The following NT5M variants were observed in gnomAD, a reference collection of about 807,000 sequenced individuals.
The protein encoded by NT5M is 5'(3')-deoxyribonucleotidase, mitochondrial.
NT5M carries 22 observed loss-of-function variants against 22.2 expected under a neutral mutation model. The observed-to-expected ratio is 0.99, with a 90% CI of 0.71 to 1.41. The LOEUF is 1.41. Among genes scored for constraint, NT5M ranks in the 40% most tolerant of loss-of-function variants. The pLI, the probability that NT5M is intolerant of heterozygous loss-of-function variation, is 0.00. For missense variants in NT5M, 322 were observed against 314.8 expected (o/e 1.02, Z -0.17); for synonymous variants, 167 against 133.0 (o/e 1.26, Z -1.76).
At position 17,308,591 on chromosome 17, in the gene NT5M, C is replaced by CA. The variant is rs145854399; in HGVS notation, c.368+1959dup. Among the ~76,000 whole-genome samples the CA allele has an allele frequency of 4.9e-3, 696 of 142,806 alleles. 3 individuals are homozygous for CA. The highest frequency in any genetic ancestry group is 7.2e-3 in the Non-Finnish European group (469 of 65,024). The allele number at this position is 142,806 out of a possible 152,430, so 93.7% of individuals were successfully genotyped here. On this transcript the variant is annotated intron_variant, in intron 2 of 4. Transcript: ENST00000389022. ...TGGGCAACAGAGTGAAACTCTGTCT[C>CA]AAAAAAAAAAAGAGACATACCGTGC...
intron 3 of NT5M, among the ~76,000 whole-genome samples, chr17:17,328,014 T>G (rs926615152): frequency 6.6e-6 from 1 of 152,190 alleles, no homozygotes; most frequent in South Asian, 2.1e-4. Flanking sequence ...GGTCATGTTC[T>G]TAGGGTGAAT....
intron 3 of NT5M, among the ~76,000 whole-genome samples, chr17:17,327,075 C>CCAG (rs1567892140): frequency 2.8e-5 from 3 of 107,290 alleles, no homozygotes; most frequent in Admixed American, 1.9e-4. Flanking sequence ...CCACACCCGG[C>CCAG]TAATTTTTTT....
At chr17:17,335,208 T>C (rs562388907) in intron 3 of NT5M, among the ~76,000 whole-genome samples, 2 of 152,194 alleles carry the variant, frequency 1.3e-5, no homozygotes, top group Non-Finnish European at 2.9e-5. Context: ...ATTTCGTTTT[T>C]AATGCTATTA....
intron 2 of NT5M, among the ~76,000 whole-genome samples, chr17:17,307,359 C>G (rs887717242): frequency 9.9e-5 from 15 of 152,144 alleles, no homozygotes; most frequent in African/African-American, 3.6e-4. Context: ...CACGGTGGCT[C>G]ACGCCTGTAA....
intron 2 of NT5M, among the ~76,000 whole-genome samples, chr17:17,317,659 G>C (rs1246781310): frequency 6.6e-6 from 1 of 152,070 alleles, no homozygotes; most frequent in Non-Finnish European, 1.5e-5. Flanking sequence ...AAAACACCTT[G>C]AAAAACATTT....
At chr17:17,345,559 G>A (rs1279554830) in intron 4 of NT5M, among the ~76,000 whole-genome samples, 1 of 151,650 alleles carries the variant, frequency 6.6e-6, no homozygotes, top group Non-Finnish European at 1.5e-5. Context: ...TACTTCAGGG[G>A]CTGAAGTGGA....
chr17:17,328,589 G>GA (rs2049310539), intron 3 of NT5M, among the ~76,000 whole-genome samples: 1 of 152,154 alleles, frequency 6.6e-6, no homozygotes, highest in South Asian at 2.1e-4. Flanking sequence ...ACAGGACAGA[G>GA]GTCTCCCACG....
chr17:17,334,574 C>G (rs557778195), intron 3 of NT5M, among the ~76,000 whole-genome samples: 1 of 145,596 alleles, frequency 6.9e-6, no homozygotes, highest in Admixed American at 7.2e-5. Context: ...CTACTGGGTT[C>G]AAGTGATTCT....
chr17:17,336,363 C>T (rs2049511856), intron 3 of NT5M, among the ~76,000 whole-genome samples: 1 of 152,060 alleles, frequency 6.6e-6, no homozygotes, highest in African/African-American at 2.4e-5. Context: ...TACTCCTCCA[C>T]TCCCCCTTCC....
Position 17,347,500 on chromosome 17 carries a change from C to T in NT5M, c.*553C>T, listed in dbSNP as rs1298385255. ...AACACTCACTAGGTGACAGCGGCCA[C>T]CAGGCTCTGTGCTGGGGGACGATAC... On this transcript the variant is annotated 3_prime_UTR_variant, in exon 5 of 5. Transcript: ENST00000389022. 6.4e-6 allele frequency: 1 copy of T among 156,458 alleles called. No individual in the cohort carries two copies. Among genetic ancestry groups the T allele is most frequent in the East Asian group, 1.9e-4 (1 of 5,210 alleles). 9.7% of individuals were successfully genotyped at this position (156,458 alleles called of 1,614,324 possible).
intron 3 of NT5M, among the ~76,000 whole-genome samples, chr17:17,341,493 G>A (rs1369196605): frequency 6.6e-6 from 1 of 152,186 alleles, no homozygotes; most frequent in Admixed American, 6.5e-5. Flanking sequence ...TGTGTGCCAG[G>A]TGCAGTACTG....
chr17:17,330,478 T>C (rs1415728719), intron 3 of NT5M, among the ~76,000 whole-genome samples: 1 of 150,410 alleles, frequency 6.6e-6, no homozygotes, highest in Non-Finnish European at 1.5e-5. Flanking sequence ...TGGGTTTAAG[T>C]GATTCCCCTG....
At chr17:17,326,473 A>C (rs1294349510) in intron 3 of NT5M, among the ~76,000 whole-genome samples, 1 of 152,228 alleles carries the variant, frequency 6.6e-6, no homozygotes, top group Non-Finnish European at 1.5e-5. Context: ...ACTTGAACAA[A>C]GGCAGGACTG....
intron 2 of NT5M, among the ~76,000 whole-genome samples, chr17:17,307,155 G>T (rs1266794952): frequency 2.0e-5 from 3 of 152,040 alleles, no homozygotes; most frequent in Admixed American, 1.3e-4. Context: ...CCGAGATCGC[G>T]CCATTGCACT....
chr17:17,318,515 G>A (rs2145358137), intron 2 of NT5M, among the ~76,000 whole-genome samples: 1 of 144,506 alleles, frequency 6.9e-6, no homozygotes, highest in East Asian at 2.1e-4. Context: ...TCTGGGCGCA[G>A]TGGCTCAAGT....
chr17:17,303,996 A>G, intron 1 of NT5M, 179 bp downstream of exon 1: 1 of 1,242,734 alleles, frequency 8.0e-7, no homozygotes, highest in Non-Finnish European at 1.0e-6. Flanking sequence ...CCCCGCGCTC[A>G]GGATCTGTTG....
chr17:17,324,221 C>T lies in NT5M; in HGVS notation c.429+976C>T, dbSNP rs541238968. Among the ~76,000 whole-genome samples, 9 of 151,150 alleles carry T rather than the reference C, an allele frequency of 6.0e-5. No individual in the cohort carries two copies. In the South Asian group the frequency reaches 8.4e-4, roughly 14 times the overall value. ...ATTCATGGTCAGGCGCGGTGGCTCA[C>T]GCCTGTAATCCCAGAACTCTGGGAG... On this transcript the variant is annotated intron_variant, in intron 3 of 4. Transcript: ENST00000389022.
chr17:17,311,572 G>A (rs1031511416), intron 2 of NT5M, among the ~76,000 whole-genome samples: 36 of 152,178 alleles, frequency 2.4e-4, no homozygotes, highest in African/African-American at 7.5e-4. Context: ...TCTAGACTTA[G>A]ATAACTTTTA....
rs777017598 is a variant in NT5M at position 17,346,905 on chromosome 17, G to A, written c.645G>A (p.Ala215=). Residue 215 remains alanine, a synonymous_variant, in exon 5 of 5, where the codon GCG becomes GCA. Transcript: ENST00000389022. ...CCCGCCGCAGGCTGCACTCGTGGGCGGACGACTGGAAGGCCATTCTGGACA... is the reference window on the plus strand; with the variant it reads ...CCCGCCGCAGGCTGCACTCGTGGGCAGACGACTGGAAGGCCATTCTGGACA... ...QPPRRRLHSW[A]DDWKAILDSK... The A allele has an allele frequency of 1.5e-5, 24 of 1,611,124 alleles. No homozygotes were observed. The highest frequency in any genetic ancestry group is 1.2e-4 in the Admixed American group (7 of 59,990).
Sources: gnomAD v4.1 joint callset for allele counts (sites outside exome capture counted in the v4.1 genomes callset) on GRCh38, gnomAD v4.1.1 for gene constraint, MANE v1.5 for transcripts, NCBI Gene and HGNC (gene_info 2026-07-23, HGNC 2026-07-21) for gene names.